Variants in HCRTR2 observed in about 807,000 individuals in gnomAD.
The protein encoded by HCRTR2 is hypocretin receptor 2.
HCRTR2 carries 22 observed loss-of-function variants against 49.0 expected under a neutral mutation model. The observed-to-expected ratio is 0.45, with a 90% confidence interval of 0.32 to 0.64. HCRTR2 has a LOEUF of 0.64. HCRTR2 is among the 30% of genes least tolerant of loss of function. HCRTR2 has a pLI of 0.04. For synonymous variants in HCRTR2, 236 were observed against 205.3 expected (o/e 1.15, Z -1.28); for missense variants, 491 against 559.4 (o/e 0.88, Z 1.23).
intron 1 of HCRTR2, among the ~76,000 whole-genome samples, chr6:55,124,756 A>G (rs988463799): frequency 6.6e-5 from 10 of 152,128 alleles, no homozygotes; most frequent in Non-Finnish European, 1.2e-4. Context: ...AGTTTCTTGT[A>G]GGTCTCTAAG....
At chr6:55,124,497 C>G (rs932806410) in intron 1 of HCRTR2, among the ~76,000 whole-genome samples, 6 of 152,010 alleles carry the variant, frequency 3.9e-5, no homozygotes, top group African/African-American at 1.4e-4. Flanking sequence ...AATTTCCGTT[C>G]TTTTGCATTT....
rs1021511955 is a variant in HCRTR2, at chr6:55,268,532, ACT to A, written c.762+4711_762+4712del. 8.8e-4 allele frequency among the ~76,000 whole-genome samples: 134 copies of A among 152,234 alleles called. 1 individual carries two copies. The highest frequency in any genetic ancestry group is 3.1e-3 in the African/African-American group (130 of 41,556). ...TTAAATGTAAAATAACAGAAGTAGT[ACT>A]AAAATAATCACAAAAAGGGAGTTAA... is the stretch of plus-strand genomic sequence containing the variant. On this transcript the variant is annotated intron_variant, in intron 4 of 6. Coordinates refer to ENST00000370862, the MANE Select transcript of HCRTR2 (RefSeq NM_001384272.1).
chr6:55,192,525 G>A (rs1765337533), intron 1 of HCRTR2, among the ~76,000 whole-genome samples: 1 of 152,068 alleles, frequency 6.6e-6, no homozygotes, highest in Non-Finnish European at 1.5e-5. Flanking sequence ...GGAAGTCGAG[G>A]CTACAGTGAG....
chr6:55,166,901 T>C (rs1764885273), intron 1 of HCRTR2, among the ~76,000 whole-genome samples: 1 of 152,022 alleles, frequency 6.6e-6, no homozygotes, highest in Non-Finnish European at 1.5e-5. Context: ...CACTAAAACA[T>C]GGAAGAACCT....
intron 1 of HCRTR2, among the ~76,000 whole-genome samples, chr6:55,227,306 G>A (rs1268736732): frequency 6.6e-6 from 1 of 152,100 alleles, no homozygotes; most frequent in Non-Finnish European, 1.5e-5. Flanking sequence ...TTACTCCCAA[G>A]TGGTCAGGAT....
At chr6:55,172,326 G>A (rs9464203), upstream of HCRTR2, among the ~76,000 whole-genome samples, 24,883 of 151,764 alleles carry the variant, frequency 0.16, 2,349 homozygotes, top group Non-Finnish European at 0.22. Flanking sequence ...ATCCTGTTTG[G>A]TTTGCATTAT....
chr6:55,170,157 T>C (rs975069161), upstream of HCRTR2, among the ~76,000 whole-genome samples: 7 of 151,646 alleles, frequency 4.6e-5, no homozygotes, highest in Non-Finnish European at 1.0e-4. Context: ...TCTAGGTATT[T>C]AAACAGAATT....
intron 1 of HCRTR2, among the ~76,000 whole-genome samples, chr6:55,239,809 A>G (rs9464215): frequency 0.35 from 45,699 of 130,640 alleles, 8,055 homozygotes; most frequent in African/African-American, 0.48. Context: ...ACGGAGTCTC[A>G]CTCTGTCGCC....
chr6:55,246,632 T>A (rs1219829145), intron 1 of HCRTR2, among the ~76,000 whole-genome samples: 1 of 152,062 alleles, frequency 6.6e-6, no homozygotes, highest in Non-Finnish European at 1.5e-5. Context: ...ATGGATGATA[T>A]AGCTTGGTGG....
chr6:55,210,972 A>G (rs1311530077), intron 1 of HCRTR2, among the ~76,000 whole-genome samples: 2 of 152,134 alleles, frequency 1.3e-5, no homozygotes, highest in African/African-American at 4.8e-5. Flanking sequence ...AGATTATAAT[A>G]CCATGCTTTT....
chr6:55,167,120 C>G (rs957289424), intron 1 of HCRTR2, among the ~76,000 whole-genome samples: 1 of 152,008 alleles, frequency 6.6e-6, no homozygotes, highest in African/African-American at 2.4e-5. Context: ...TAAATGATAC[C>G]TCTCAAAATG....
intron 4 of HCRTR2, among the ~76,000 whole-genome samples, chr6:55,270,846 G>T (rs1419538699): frequency 1.3e-5 from 2 of 151,890 alleles, no homozygotes; most frequent in African/African-American, 4.8e-5. Flanking sequence ...TATTCAATCG[G>T]TACACAACAT....
intron 1 of HCRTR2, among the ~76,000 whole-genome samples, chr6:55,111,469 T>C (rs921432679): frequency 2.6e-5 from 4 of 151,922 alleles, no homozygotes; most frequent in Admixed American, 1.3e-4. Context: ...ATGGAAGATA[T>C]TAAAACTGAT....
chr6:55,131,405 T>A (rs1764353362), intron 1 of HCRTR2, among the ~76,000 whole-genome samples: 1 of 151,800 alleles, frequency 6.6e-6, no homozygotes, highest in African/African-American at 2.4e-5. Flanking sequence ...CAAAGATGAT[T>A]TAATTTGTTT....
chr6:55,274,353 A>ATATATATATTTATATATATAT (rs1290742950), intron 4 of HCRTR2, among the ~76,000 whole-genome samples: 5 of 148,416 alleles, frequency 3.4e-5, no homozygotes, highest in South Asian at 2.1e-4. Flanking sequence ...ATTTTATGAA[A>ATATATATATTTATATATATAT]TGTATGCCTA....
intron 1 of HCRTR2, among the ~76,000 whole-genome samples, chr6:55,163,301 A>G (rs545112092): frequency 6.6e-6 from 1 of 152,152 alleles, no homozygotes; most frequent in Non-Finnish European, 1.5e-5. Flanking sequence ...GAACTAAAAA[A>G]GAGCCCATAT....
intron 1 of HCRTR2, among the ~76,000 whole-genome samples, chr6:55,180,468 G>A (rs1765112338): frequency 6.6e-6 from 1 of 152,212 alleles, no homozygotes; most frequent in South Asian, 2.1e-4. Context: ...TCAGCTCTGA[G>A]GATGAGCTCA....
intron 1 of HCRTR2, among the ~76,000 whole-genome samples, chr6:55,219,777 G>C (rs972715093): frequency 2.0e-5 from 3 of 151,568 alleles, no homozygotes; most frequent in Non-Finnish European, 2.9e-5. Flanking sequence ...GCTTTTTAAA[G>C]ATCAATAAAA....
chr6:55,108,600 G>A (rs1176694292), intron 1 of HCRTR2, among the ~76,000 whole-genome samples: 2 of 151,754 alleles, frequency 1.3e-5, no homozygotes, highest in Admixed American at 1.3e-4. Flanking sequence ...AATTTAGAGA[G>A]CTGAAAGGAA....
Sources: gnomAD v4.1 joint callset for allele counts (sites outside exome capture counted in the v4.1 genomes callset) on GRCh38, gnomAD v4.1.1 for gene constraint, MANE v1.5 for transcripts, NCBI Gene and HGNC (gene_info 2026-07-23, HGNC 2026-07-21) for gene names.